The following ADK variants were observed in gnomAD, a reference collection of about 807,000 sequenced individuals.
ADK encodes N6,N6-dimethyladenosine kinase.
In ADK, 24 loss-of-function variants were observed where a neutral mutation model predicts 44.7. The observed-to-expected ratio is 0.54, with a 90% confidence interval of 0.39 to 0.76. The LOEUF is 0.76. ADK is among the 30% of genes least tolerant of loss of function. The probability of loss-of-function intolerance (pLI) is 0.00; values close to 1 mark genes in which losing one functional copy is unlikely to be tolerated. For missense variants in ADK, 321 were observed against 425.1 expected (o/e 0.76, Z 2.15); for synonymous variants, 128 against 142.6 (o/e 0.90, Z 0.73).
intron 7 of ADK, among the ~76,000 whole-genome samples, chr10:74,549,405 T>C (rs1849950269): frequency 6.6e-6 from 1 of 152,216 alleles, no homozygotes; most frequent in Admixed American, 6.5e-5. Flanking sequence ...ATGTGCAATT[T>C]AGTTTACTTA....
At chr10:74,534,914 G>T (rs867050258) in intron 7 of ADK, among the ~76,000 whole-genome samples, 4 of 152,226 alleles carry the variant, frequency 2.6e-5, no homozygotes, top group South Asian at 2.1e-4. Flanking sequence ...CCTAAACTTG[G>T]TGAAATTTGT....
intron 6 of ADK, among the ~76,000 whole-genome samples, chr10:74,428,349 C>T (rs1011900186): frequency 6.6e-6 from 1 of 152,066 alleles, no homozygotes; most frequent in Non-Finnish European, 1.5e-5. Flanking sequence ...GAACCTAGAA[C>T]ATGTTGTAAT....
intron 8 of ADK, among the ~76,000 whole-genome samples, chr10:74,594,683 AAAAG>A (rs1417755318): frequency 2.0e-5 from 3 of 152,070 alleles, no homozygotes; most frequent in African/African-American, 4.8e-5. Context: ...AAAAAAAAAA[AAAAG>A]AATGAAGAGA....
intron 1 of ADK, among the ~76,000 whole-genome samples, chr10:74,197,062 A>T (rs2132137863): frequency 6.6e-6 from 1 of 152,276 alleles, no homozygotes; most frequent in South Asian, 2.1e-4. Context: ...TCTGAGCATC[A>T]TAGAAAAAAA....
intron 4 of ADK, among the ~76,000 whole-genome samples, chr10:74,359,229 T>C (rs2131935979): frequency 6.6e-6 from 1 of 152,326 alleles, no homozygotes; most frequent in South Asian, 2.1e-4. Flanking sequence ...AGCTTGGTAA[T>C]ATAATTTGAA....
At chr10:74,272,516 C>A (rs1489862535) in intron 3 of ADK, among the ~76,000 whole-genome samples, 1 of 152,184 alleles carries the variant, frequency 6.6e-6, no homozygotes, top group African/African-American at 2.4e-5. Flanking sequence ...TGCAAGCAAT[C>A]CTCCTGCCTC....
At chr10:74,546,266 T>G (rs981681880) in intron 7 of ADK, among the ~76,000 whole-genome samples, 1 of 152,178 alleles carries the variant, frequency 6.6e-6, no homozygotes, top group African/African-American at 2.4e-5. Flanking sequence ...TCTCTGGAAC[T>G]TAGTACTGTT....
At chr10:74,633,812 T>A (rs1204208065) in intron 9 of ADK, among the ~76,000 whole-genome samples, 1 of 152,216 alleles carries the variant, frequency 6.6e-6, no homozygotes, top group African/African-American at 2.4e-5. Context: ...TGACTCTTTC[T>A]CTAGGGCCAG....
At chr10:74,557,791 T>C (rs1206796988) in intron 7 of ADK, among the ~76,000 whole-genome samples, 2 of 152,086 alleles carry the variant, frequency 1.3e-5, no homozygotes, top group East Asian at 3.8e-4. Flanking sequence ...ACATAGAGGT[T>C]ATACATGGGT....
chr10:74,191,891 G>T (rs1252374990), intron 1 of ADK, among the ~76,000 whole-genome samples: 2 of 152,108 alleles, frequency 1.3e-5, no homozygotes, highest in East Asian at 3.8e-4. Flanking sequence ...AAACTATTCT[G>T]TTACCACAAA....
chr10:74,222,406 G>A (rs1378724615), intron 2 of ADK, among the ~76,000 whole-genome samples: 3 of 151,424 alleles, frequency 2.0e-5, no homozygotes, highest in Non-Finnish European at 4.4e-5. Flanking sequence ...CTTTTACACT[G>A]TTGGTGGGAC....
intron 4 of ADK, among the ~76,000 whole-genome samples, chr10:74,371,152 T>C (rs1276848662): frequency 6.6e-6 from 1 of 152,216 alleles, no homozygotes; most frequent in Admixed American, 6.5e-5. Flanking sequence ...TGTTTACATG[T>C]TGGAAACATG....
intron 7 of ADK, among the ~76,000 whole-genome samples, chr10:74,569,624 G>GT (rs1589256993): frequency 6.6e-6 from 1 of 152,220 alleles, no homozygotes; most frequent in East Asian, 1.9e-4. Flanking sequence ...TGATGAGGCT[G>GT]TTTTTTTCTT....
At chr10:74,702,694 G>A (rs1488264598) in intron 10 of ADK, among the ~76,000 whole-genome samples, 1 of 151,044 alleles carries the variant, frequency 6.6e-6, no homozygotes, top group Non-Finnish European at 1.5e-5. Context: ...TGCCTCCTGA[G>A]TTCAAGCAGT....
intron 2 of ADK, among the ~76,000 whole-genome samples, chr10:74,203,142 G>C (rs755287899): frequency 1.8e-4 from 28 of 152,004 alleles, no homozygotes; most frequent in Admixed American, 4.6e-4. Context: ...ATGAAATAAG[G>C]GTTCAACTTT....
At chr10:74,328,631 A>G (rs1841102004) in intron 4 of ADK, among the ~76,000 whole-genome samples, 1 of 152,096 alleles carries the variant, frequency 6.6e-6, no homozygotes. Flanking sequence ...AAGTTCTTAC[A>G]AATCTGATGG....
intron 4 of ADK, among the ~76,000 whole-genome samples, chr10:74,322,467 G>T (rs1165334326): frequency 6.6e-6 from 1 of 152,162 alleles, no homozygotes; most frequent in African/African-American, 2.4e-5. Context: ...TGTTCAAATT[G>T]TGATACCTCA....
intron 9 of ADK, among the ~76,000 whole-genome samples, chr10:74,607,917 G>T (rs1852389534): frequency 6.6e-6 from 1 of 151,778 alleles, no homozygotes; most frequent in South Asian, 2.1e-4. Flanking sequence ...TTTCTTGGAG[G>T]TTTGTTAGTT....
At chr10:74,631,311 G>T (rs1853413093) in intron 9 of ADK, among the ~76,000 whole-genome samples, 2 of 146,908 alleles carry the variant, frequency 1.4e-5, no homozygotes, top group African/African-American at 2.5e-5. Context: ...TTTCACTCTT[G>T]TTGCCCAGGC....
Sources: allele counts gnomAD v4.1 joint callset (sites outside exome capture counted in the v4.1 genomes callset), GRCh38; gene constraint gnomAD v4.1.1; transcripts MANE v1.5; gene names NCBI Gene and HGNC (gene_info 2026-07-23, HGNC 2026-07-21).